Variants in MGAT4C observed in about 807,000 individuals in gnomAD.
MGAT4C encodes alpha-1,3-mannosyl-glycoprotein 4-beta-N-acetylglucosaminyltransferase C.
A neutral mutation model predicts 40.1 loss-of-function variants in MGAT4C; 19 were observed. The observed-to-expected ratio is 0.47, with a 90% CI of 0.33 to 0.70. The LOEUF (loss-of-function observed/expected upper bound fraction) is 0.70. Among genes scored for constraint, MGAT4C ranks in the 30% least tolerant of loss-of-function variants. The pLI, the probability that MGAT4C is intolerant of heterozygous loss-of-function variation, is 0.02. For synonymous variants in MGAT4C, 181 were observed against 187.1 expected (o/e 0.97, Z 0.27); for missense variants, 491 against 563.2 (o/e 0.87, Z 1.30).
intron 2 of MGAT4C, among the ~76,000 whole-genome samples, chr12:86,041,962 C>T (rs1374116557): frequency 1.3e-5 from 2 of 152,130 alleles, no homozygotes; most frequent in Admixed American, 6.5e-5. Context: ...CTTCATAGGT[C>T]TCAAAGCACT....
At chr12:86,664,806 G>C (rs1305938076) in intron 2 of MGAT4C, among the ~76,000 whole-genome samples, 2 of 151,930 alleles carry the variant, frequency 1.3e-5, no homozygotes, top group African/African-American at 2.4e-5. Context: ...AAACAATTCC[G>C]GTTTCTGCTT....
intron 2 of MGAT4C, among the ~76,000 whole-genome samples, chr12:86,477,966 A>C (rs1957869145): frequency 6.6e-6 from 1 of 152,146 alleles, no homozygotes. Context: ...ACAAATTTGC[A>C]CATTTTCTTT....
chr12:86,188,073 G>A lies in MGAT4C; in HGVS notation c.-57+68166C>T, dbSNP rs538516409. Among the ~76,000 whole-genome samples, 102 of 152,140 alleles carry A rather than the reference G, an allele frequency of 6.7e-4. 1 individual carries two copies. The highest frequency in any genetic ancestry group is 4.6e-4 in the Non-Finnish European group (31 of 67,942). On this transcript the variant is annotated intron_variant, in intron 1 of 4. Transcript: ENST00000611864. ...CCTGTCTTAAAGTAAATTCCTTTTAGTAGAGATTGACTTTCTCTTTTCTGC... is the reference window on the plus strand; with the variant it reads ...CCTGTCTTAAAGTAAATTCCTTTTAATAGAGATTGACTTTCTCTTTTCTGC...
At chr12:86,226,109 T>A (rs1951063833) in intron 1 of MGAT4C, among the ~76,000 whole-genome samples, 1 of 149,416 alleles carries the variant, frequency 6.7e-6, no homozygotes, top group East Asian at 2.0e-4. Context: ...GGACATGTCA[T>A]ATCAACATGA....
chr12:86,413,087 TTTCCAA>T (rs1956637764), intron 3 of MGAT4C, among the ~76,000 whole-genome samples: 1 of 152,140 alleles, frequency 6.6e-6, no homozygotes, highest in South Asian at 2.1e-4. Flanking sequence ...TAACCTCTTT[TTTCCAA>T]TTAAACAAAA....
intron 2 of MGAT4C, among the ~76,000 whole-genome samples, chr12:86,645,036 C>T (rs1251757285): frequency 1.3e-5 from 2 of 151,602 alleles, no homozygotes; most frequent in East Asian, 3.9e-4. Flanking sequence ...AAGTTAACAA[C>T]TTATATACAT....
chr12:86,086,790 A>G (rs1871933468), intron 1 of MGAT4C, among the ~76,000 whole-genome samples: 1 of 151,872 alleles, frequency 6.6e-6, no homozygotes, highest in Admixed American at 6.6e-5. Flanking sequence ...GTATTTTTGT[A>G]TTCATTTGTC....
intron 3 of MGAT4C, among the ~76,000 whole-genome samples, chr12:86,424,683 G>A (rs1283506245): frequency 6.6e-6 from 1 of 152,114 alleles, no homozygotes; most frequent in Non-Finnish European, 1.5e-5. Flanking sequence ...CATATGCCAA[G>A]CACTATTCTA....
chr12:86,280,605 A>T (rs560958267), intron 4 of MGAT4C, among the ~76,000 whole-genome samples: 27 of 151,866 alleles, frequency 1.8e-4, no homozygotes, highest in Non-Finnish European at 3.1e-4. Context: ...AAATTTCATT[A>T]TATAGATTTG....
intron 1 of MGAT4C, among the ~76,000 whole-genome samples, chr12:86,160,185 T>C (rs878948650): frequency 3.3e-5 from 5 of 152,100 alleles, no homozygotes; most frequent in African/African-American, 1.2e-4. Context: ...ACTACAAACT[T>C]TCCTCTTAAC....
chr12:86,678,742 C>A (rs1323840290), intron 2 of MGAT4C, among the ~76,000 whole-genome samples: 2 of 151,978 alleles, frequency 1.3e-5, no homozygotes, highest in Non-Finnish European at 2.9e-5. Context: ...ATCCATGTCC[C>A]TACAAAGGAT....
At chr12:86,231,180 C>T (rs1023464958) in intron 1 of MGAT4C, among the ~76,000 whole-genome samples, 7 of 152,112 alleles carry the variant, frequency 4.6e-5, no homozygotes, top group African/African-American at 1.7e-4. Context: ...AAAACATTCC[C>T]TTTAGCAAAT....
chr12:86,121,682 A>G (rs1879402074), intron 1 of MGAT4C, among the ~76,000 whole-genome samples: 1 of 152,234 alleles, frequency 6.6e-6, no homozygotes. Flanking sequence ...AATCCTTTAC[A>G]GACAAGCAAA....
chr12:85,979,777 A>C lies in MGAT4C; in HGVS notation c.949T>G (p.Ser317Ala), dbSNP rs921702162. Reference sequence around the variant, plus strand: ...AGCTTATTCTCCGTCCCTTTGTATGATGAATAATAGCCCATGTGCTGAAAG... The same window carrying C: ...AGCTTATTCTCCGTCCCTTTGTATGCTGAATAATAGCCCATGTGCTGAAAG... ...SLFQHMGYYS[S>A]YKGTENKLKD... Residue 317 changes from serine (S) to alanine (A), a missense_variant, in exon 5 of 5, where the codon TCA becomes GCA. Physicochemically the swap from Ser to Ala is moderately conservative, Grantham distance 99. Transcript: ENST00000611864. The C allele has an allele frequency of 6.2e-7, 1 of 1,613,534 alleles. No homozygotes were observed. Among genetic ancestry groups the C allele is most frequent in the Admixed American group, 1.7e-5 (1 of 59,910 alleles).
chr12:86,507,558 A>C (rs922385860), intron 2 of MGAT4C, among the ~76,000 whole-genome samples: 1 of 152,192 alleles, frequency 6.6e-6, no homozygotes, highest in African/African-American at 2.4e-5. Context: ...CCACTTGTCC[A>C]AAGCAGATTA....
chr12:86,017,141 T>C lies in MGAT4C; in HGVS notation c.-6-27589A>G, dbSNP rs528278292. On this transcript the variant is annotated intron_variant, in intron 2 of 4. Coordinates refer to ENST00000611864, the MANE Select transcript of MGAT4C (RefSeq NM_001351288.2). ...AATTTGAAAACATTTAAAAAAAACG[T>C]ATTATATCACTTGAGTACTCAGCGG... 7.2e-5 allele frequency among the ~76,000 whole-genome samples: 11 copies of C among 152,240 alleles called. No homozygotes were observed. In the East Asian group the frequency reaches 1.2e-3, roughly 16 times the overall value.
rs144038604 is a variant in MGAT4C, at chr12:86,292,077, T to G, written c.-57+41988A>C. 1.6e-4 allele frequency among the ~76,000 whole-genome samples: 25 copies of G among 152,206 alleles called. 1 individual carries two copies. In the East Asian group the frequency reaches 4.3e-3, roughly 26 times the overall value. On this transcript the variant is annotated intron_variant, in intron 4 of 7. Transcript: ENST00000548651. ...CTCCTTAAGATAAAGACAGAGACAT[T>G]TGAGGATTGTAGGAGCCTGTTGTTA...
intron 2 of MGAT4C, among the ~76,000 whole-genome samples, chr12:86,456,722 A>G (rs1047282993): frequency 3.3e-5 from 5 of 152,082 alleles, no homozygotes; most frequent in African/African-American, 2.4e-5. Context: ...GGGCAAATTT[A>G]TCTATATAAT....
chr12:86,494,764 A>G (rs1017683523), intron 2 of MGAT4C, among the ~76,000 whole-genome samples: 11 of 152,000 alleles, frequency 7.2e-5, no homozygotes, highest in Non-Finnish European at 1.5e-4. Context: ...GACAACTCAA[A>G]TAGAGAAATA....
Sources: gnomAD v4.1 joint callset for allele counts (sites outside exome capture counted in the v4.1 genomes callset) on GRCh38, gnomAD v4.1.1 for gene constraint, MANE v1.5 for transcripts, NCBI Gene and HGNC (gene_info 2026-07-23, HGNC 2026-07-21) for gene names.